Variants in SEMA5A observed in about 807,000 individuals in gnomAD.
SEMA5A encodes the protein semaphorin-5A.
A neutral mutation model predicts 135.5 loss-of-function variants in SEMA5A; 55 were observed. That is an observed-to-expected ratio of 0.41 (90% CI 0.33 to 0.51). SEMA5A has a LOEUF of 0.51. Among genes scored for constraint, SEMA5A ranks in the 20% least tolerant of loss-of-function variants. The pLI, the probability that SEMA5A is intolerant of heterozygous loss-of-function variation, is 0.37. For missense variants in SEMA5A, 1,290 were observed against 1,419.9 expected, an observed-to-expected ratio of 0.91 and a Z score of 1.47; for synonymous variants, 580 against 546.5, an observed-to-expected ratio of 1.06 and a Z score of -0.85.
intron 11 of SEMA5A, among the ~76,000 whole-genome samples, chr5:9,171,466 C>T (rs3777276): frequency 0.098 from 14,908 of 152,188 alleles, 1,214 homozygotes; most frequent in African/African-American, 0.2. Context: ...TAAATTGGGA[C>T]TCATGGTCGA....
chr5:9,445,825 A>G (rs1579553644), intron 1 of SEMA5A, among the ~76,000 whole-genome samples: 1 of 152,180 alleles, frequency 6.6e-6, no homozygotes, highest in East Asian at 1.9e-4. Flanking sequence ...GGGTCATTTA[A>G]TCATGCAAAT....
chr5:9,385,531 T>C (rs888516634), intron 2 of SEMA5A, among the ~76,000 whole-genome samples: 3 of 152,122 alleles, frequency 2.0e-5, no homozygotes, highest in Non-Finnish European at 4.4e-5. Context: ...AAACCCCTCC[T>C]GCGCCCATCC....
intron 2 of SEMA5A, among the ~76,000 whole-genome samples, chr5:9,424,541 C>T: frequency 6.6e-6 from 1 of 152,146 alleles, no homozygotes; most frequent in East Asian, 1.9e-4. Context: ...CCAATCATTC[C>T]TCGATAGCCC....
intron 18 of SEMA5A, among the ~76,000 whole-genome samples, chr5:9,061,347 T>C (rs1166488714): frequency 6.6e-6 from 1 of 152,112 alleles, no homozygotes; most frequent in Admixed American, 6.5e-5. Context: ...TAAAAAACAA[T>C]CCCTGATGGG....
intron 1 of SEMA5A, among the ~76,000 whole-genome samples, chr5:9,470,075 G>A (rs1759419942): frequency 6.6e-6 from 1 of 152,192 alleles, no homozygotes; most frequent in Non-Finnish European, 1.5e-5. Flanking sequence ...AGAAATGGCA[G>A]CTTTTAAGAT....
At chr5:9,126,386 G>A (rs1382916248) in intron 13 of SEMA5A, among the ~76,000 whole-genome samples, 1 of 152,152 alleles carries the variant, frequency 6.6e-6, no homozygotes, top group Admixed American at 6.5e-5. Flanking sequence ...ATGTGAGGAA[G>A]GTCAGACCCT....
chr5:9,215,704 G>T (rs1746581690), intron 8 of SEMA5A, among the ~76,000 whole-genome samples: 1 of 152,178 alleles, frequency 6.6e-6, no homozygotes, highest in Non-Finnish European at 1.5e-5. Context: ...GGTAGTTTCT[G>T]ATGGTTATTT....
chr5:9,353,098 G>GAAAGGGAAGGAAAGGA (rs1378151075), intron 3 of SEMA5A, among the ~76,000 whole-genome samples: 1 of 21,788 alleles, frequency 4.6e-5, no homozygotes, highest in Non-Finnish European at 7.4e-5. Flanking sequence ...GGAAAGGAAG[G>GAAAGGGAAGGAAAGGA]AAGGAAAGGA....
chr5:9,278,373 G>C (rs143546587), intron 5 of SEMA5A, among the ~76,000 whole-genome samples: 1,563 of 152,272 alleles, frequency 0.01, 21 homozygotes, highest in African/African-American at 0.032. Context: ...CATGAACAAA[G>C]AGATTATCTG....
At chr5:9,201,761 A>G (rs1806105) in intron 9 of SEMA5A, among the ~76,000 whole-genome samples, 194 bp downstream of exon 9, 361 of 152,328 alleles carry the variant, frequency 2.4e-3, no homozygotes, top group African/African-American at 8.3e-3. Flanking sequence ...TATTTTTCCT[A>G]ATACCAGTCT....
chr5:9,476,511 G>A (rs190903731), intron 1 of SEMA5A, among the ~76,000 whole-genome samples: 2 of 152,204 alleles, frequency 1.3e-5, no homozygotes, highest in Admixed American at 1.3e-4. Flanking sequence ...CTCCATGCCA[G>A]GTACCAGGAG....
intron 1 of SEMA5A, among the ~76,000 whole-genome samples, chr5:9,479,587 C>T (rs926095910): frequency 2.6e-5 from 4 of 152,110 alleles, no homozygotes; most frequent in African/African-American, 9.7e-5. Context: ...TGTACAGTGC[C>T]CTGGACTTAA....
At chr5:9,314,568 C>T (rs145095301) in intron 5 of SEMA5A, among the ~76,000 whole-genome samples, 128 of 152,158 alleles carry the variant, frequency 8.4e-4, no homozygotes, top group African/African-American at 3.0e-3. Context: ...TTCTATCAGA[C>T]GGCACTGTTA....
chr5:9,223,422 C>T (rs1249590610), intron 8 of SEMA5A, among the ~76,000 whole-genome samples: 1 of 152,172 alleles, frequency 6.6e-6, no homozygotes, highest in Non-Finnish European at 1.5e-5. Context: ...ATTCCCCCCT[C>T]CCAGGGGGTA....
intron 18 of SEMA5A, among the ~76,000 whole-genome samples, chr5:9,057,984 C>G (rs558696644): frequency 6.6e-5 from 10 of 152,184 alleles, no homozygotes; most frequent in South Asian, 2.1e-4. Flanking sequence ...AATGAAATAG[C>G]CTTCATCACA....
At chr5:9,417,871 C>A (rs1757333142) in intron 2 of SEMA5A, among the ~76,000 whole-genome samples, 1 of 152,158 alleles carries the variant, frequency 6.6e-6, no homozygotes, top group Non-Finnish European at 1.5e-5. Flanking sequence ...ACAGTGCCAG[C>A]AGATGCCATG....
intron 15 of SEMA5A, among the ~76,000 whole-genome samples, chr5:9,110,783 CA>C (rs1021473272): frequency 5.9e-5 from 9 of 152,254 alleles, no homozygotes; most frequent in African/African-American, 2.2e-4. Flanking sequence ...ATCTTTTCCA[CA>C]TTTAAGATAA....
chr5:9,046,242 G>T (rs1736245643), intron 21 of SEMA5A, among the ~76,000 whole-genome samples: 2 of 152,204 alleles, frequency 1.3e-5, no homozygotes, highest in African/African-American at 4.8e-5. Flanking sequence ...TCCCTGACCT[G>T]TCAACCCTGC....
chr5:9,506,511 A>G (rs934747822), intron 1 of SEMA5A, among the ~76,000 whole-genome samples: 2 of 152,206 alleles, frequency 1.3e-5, no homozygotes, highest in African/African-American at 2.4e-5. Flanking sequence ...AGCGGAGGCC[A>G]TGCTTAATGA....
Sources: gnomAD v4.1 joint callset for allele counts (sites outside exome capture counted in the v4.1 genomes callset) on GRCh38, gnomAD v4.1.1 for gene constraint, MANE v1.5 for transcripts, NCBI Gene and HGNC (gene_info 2026-07-23, HGNC 2026-07-21) for gene names.